The following MAP2 variants were observed in gnomAD, a reference collection of about 807,000 sequenced individuals.
MAP2 encodes microtubule associated protein 2, also known as microtubule-associated protein 2.
MAP2 carries 14 observed loss-of-function variants against 137.6 expected under a neutral mutation model. The observed-to-expected ratio is 0.10, with a 90% CI of 0.07 to 0.16. The LOEUF (loss-of-function observed/expected upper bound fraction) is 0.16. Ranked by LOEUF, MAP2 falls within the 10% of genes least tolerant of loss-of-function variation. The pLI is 1.00. For synonymous variants in MAP2, 786 were observed against 782.3 expected (o/e 1.00, Z -0.08); for missense variants, 2,088 against 2,191.5 (o/e 0.95, Z 0.94).
chr2:209,570,799 C>G (rs1357467776), intron 2 of MAP2, among the ~76,000 whole-genome samples: 1 of 151,774 alleles, frequency 6.6e-6, no homozygotes, highest in Non-Finnish European at 1.5e-5. Flanking sequence ...ATCAGTGATT[C>G]CTGAAATAAA....
chr2:209,580,617 T>C (rs1196370605), intron 3 of MAP2, among the ~76,000 whole-genome samples: 2 of 152,194 alleles, frequency 1.3e-5, no homozygotes, highest in African/African-American at 2.4e-5. Flanking sequence ...TTTCAGTCTT[T>C]AAAATGGACA....
At chr2:209,438,194 GA>G (rs1310533521) in intron 1 of MAP2, among the ~76,000 whole-genome samples, 2 of 151,448 alleles carry the variant, frequency 1.3e-5, no homozygotes, top group African/African-American at 2.4e-5. Context: ...CCATGGCAAA[GA>G]AAAAAATTCG....
intron 1 of MAP2, among the ~76,000 whole-genome samples, chr2:209,476,232 A>G (rs1559210733): frequency 1.3e-5 from 2 of 152,136 alleles, no homozygotes; most frequent in South Asian, 4.1e-4. Context: ...TCAAAGTGAT[A>G]GCAGTCACTT....
intron 13 of MAP2, among the ~76,000 whole-genome samples, chr2:209,723,118 G>A (rs1052483805): frequency 2.0e-5 from 3 of 152,216 alleles, no homozygotes; most frequent in Admixed American, 1.3e-4. Context: ...TTTGTGCTGT[G>A]TGGACCAACA....
intron 3 of MAP2, among the ~76,000 whole-genome samples, chr2:209,605,407 G>A (rs1200862275): frequency 1.3e-5 from 2 of 152,254 alleles, no homozygotes; most frequent in South Asian, 2.1e-4. Flanking sequence ...GTGAAGGAAA[G>A]TTGGAGGCAA....
At chr2:209,639,439 G>A (rs941501577) in intron 4 of MAP2, among the ~76,000 whole-genome samples, 3 of 151,856 alleles carry the variant, frequency 2.0e-5, no homozygotes, top group South Asian at 4.2e-4. Flanking sequence ...CTAGCCCCTT[G>A]TTTCAGTCCC....
At chr2:209,643,388 T>G (rs1169352182) in intron 4 of MAP2, among the ~76,000 whole-genome samples, 2 of 152,164 alleles carry the variant, frequency 1.3e-5, no homozygotes, top group Non-Finnish European at 2.9e-5. Flanking sequence ...GAAAGTTCTA[T>G]TCTTCTTAAT....
At chr2:209,609,523 C>A (rs181480567) in intron 3 of MAP2, among the ~76,000 whole-genome samples, 5 of 152,244 alleles carry the variant, frequency 3.3e-5, no homozygotes, top group Non-Finnish European at 7.4e-5. Flanking sequence ...TCCTAGACAA[C>A]CTCTAATCTA....
chr2:209,658,666 C>G (rs2042014464), intron 5 of MAP2, among the ~76,000 whole-genome samples: 1 of 151,984 alleles, frequency 6.6e-6, no homozygotes, highest in South Asian at 2.1e-4. Context: ...GCCACCAGGC[C>G]TGGCTAATTT....
chr2:209,473,573 A>C (rs536823513), intron 1 of MAP2, among the ~76,000 whole-genome samples: 28 of 152,160 alleles, frequency 1.8e-4, no homozygotes, highest in Admixed American at 3.9e-4. Flanking sequence ...CAAGTGTCTA[A>C]ATTTTAATTT....
chr2:209,634,368 A>G (rs75381169), intron 4 of MAP2, among the ~76,000 whole-genome samples: 10,117 of 152,244 alleles, frequency 0.066, 515 homozygotes, highest in Non-Finnish European at 0.099. Flanking sequence ...TTGCTCACCT[A>G]ACAGTCCAGG....
At chr2:209,505,850 T>C (rs2060978933) in intron 1 of MAP2, among the ~76,000 whole-genome samples, 1 of 151,928 alleles carries the variant, frequency 6.6e-6, no homozygotes, top group Non-Finnish European at 1.5e-5. Context: ...TTCACGCTTG[T>C]AGTTCCAGCT....
chr2:209,686,764 T>G (rs991482038), intron 7 of MAP2, among the ~76,000 whole-genome samples: 2 of 152,152 alleles, frequency 1.3e-5, no homozygotes, highest in Non-Finnish European at 2.9e-5. Flanking sequence ...ATGAGAGTAG[T>G]TACTTTAGCA....
chr2:209,425,491 A>G (rs1574447608), intron 1 of MAP2, among the ~76,000 whole-genome samples: 2 of 152,202 alleles, frequency 1.3e-5, no homozygotes, highest in East Asian at 3.8e-4. Context: ...AAACAAAAAA[A>G]TATTGTTGGG....
At chr2:209,661,588 A>C in intron 5 of MAP2, 13 of 985,428 alleles carry the variant, frequency 1.3e-5, no homozygotes, top group Non-Finnish European at 1.6e-5. Flanking sequence ...GAAAATGGGG[A>C]TCTTTTCAGT....
chr2:209,476,566 CA>C (rs1707291778), intron 1 of MAP2, among the ~76,000 whole-genome samples: 1 of 152,144 alleles, frequency 6.6e-6, no homozygotes, highest in African/African-American at 2.4e-5. Flanking sequence ...TGTAATAAAA[CA>C]GTCTCCAAGC....
At chr2:209,650,169 T>A (rs1559482834) in intron 4 of MAP2, among the ~76,000 whole-genome samples, 1 of 152,220 alleles carries the variant, frequency 6.6e-6, no homozygotes, top group Non-Finnish European at 1.5e-5. Flanking sequence ...TTGTTGTATT[T>A]GCTTTTAATA....
At chr2:209,568,122 C>G (rs2073807802) in intron 2 of MAP2, among the ~76,000 whole-genome samples, 1 of 151,968 alleles carries the variant, frequency 6.6e-6, no homozygotes, top group African/African-American at 2.4e-5. Context: ...AATTAATTCT[C>G]TCTTCTCATC....
chr2:209,616,979 C>T (rs916004182), intron 3 of MAP2, among the ~76,000 whole-genome samples: 4 of 152,084 alleles, frequency 2.6e-5, no homozygotes, highest in Non-Finnish European at 5.9e-5. Context: ...TCTTCATGGC[C>T]TCTGTGCAAC....
Sources: gnomAD v4.1 joint callset for allele counts (sites outside exome capture counted in the v4.1 genomes callset) on GRCh38, gnomAD v4.1.1 for gene constraint, MANE v1.5 for transcripts, NCBI Gene and HGNC (gene_info 2026-07-23, HGNC 2026-07-21) for gene names.